The following NCAPD3 variants were observed in gnomAD, a reference collection of about 807,000 sequenced individuals.
NCAPD3 encodes condensin-2 complex subunit D3.
A neutral mutation model predicts 182.9 loss-of-function variants in NCAPD3; 105 were observed. That is an observed-to-expected ratio of 0.57 (90% CI 0.49 to 0.68). The LOEUF is 0.68. Among genes scored for constraint, NCAPD3 ranks in the 30% least tolerant of loss-of-function variants. NCAPD3 has a pLI of 0.00. For synonymous variants in NCAPD3, 815 were observed against 679.9 expected, an observed-to-expected ratio of 1.20 and a Z score of -3.09; for missense variants, 1,944 against 1,837.0, an observed-to-expected ratio of 1.06 and a Z score of -1.07.
In NCAPD3 at chr11:134,157,941, T is replaced by G; in HGVS notation, c.4161A>C (p.Lys1387Asn). 1 of 1,614,032 alleles carries G rather than the reference T, an allele frequency of 6.2e-7. No homozygotes were observed. Among genetic ancestry groups the G allele is most frequent in the South Asian group, 1.1e-5 (1 of 91,064 alleles). Residue 1387 changes from lysine (K) to asparagine (N), a missense_variant, in exon 31 of 35, where the codon AAA becomes AAC. By Grantham distance (94) the Lys-to-Asn change is moderately conservative (BLOSUM62 0). Coordinates refer to ENST00000534548, the MANE Select transcript of NCAPD3 (RefSeq NM_015261.3). Reference sequence around the variant, plus strand: ...CATAAGGCTTACCCTGACTGCACGTTTTTTCTGGGCTTCCAGAATTTAAAG... The same window carrying G: ...CATAAGGCTTACCCTGACTGCACGTGTTTTCTGGGCTTCCAGAATTTAAAG... ...PFTLNSGSPEKTCSQVSSYSL... is the reference protein window; with the variant it reads ...PFTLNSGSPENTCSQVSSYSL...
intron 28 of NCAPD3, among the ~76,000 whole-genome samples, chr11:134,161,191 A>T (rs932050852): frequency 6.6e-6 from 1 of 152,168 alleles, no homozygotes; most frequent in Non-Finnish European, 1.5e-5. Flanking sequence ...AATTAAAGAA[A>T]AACTATGTTG....
intron 24 of NCAPD3, among the ~76,000 whole-genome samples, chr11:134,174,905 A>G (rs1426821295): frequency 6.6e-6 from 1 of 152,208 alleles, no homozygotes; most frequent in Non-Finnish European, 1.5e-5. Flanking sequence ...CAGAGAACAG[A>G]CTAACTTAAA....
At chr11:134,189,656 T>C (rs1387487213) in intron 16 of NCAPD3, among the ~76,000 whole-genome samples, 1 of 152,250 alleles carries the variant, frequency 6.6e-6, no homozygotes, top group Admixed American at 6.5e-5. Flanking sequence ...TCTGAAGTTG[T>C]ACATAATCAA....
At chr11:134,220,371 A>G (rs984144849) in intron 2 of NCAPD3, among the ~76,000 whole-genome samples, 1 of 152,076 alleles carries the variant, frequency 6.6e-6, no homozygotes, top group Non-Finnish European at 1.5e-5. Flanking sequence ...TGTCTTAAAA[A>G]AAAAAAATCA....
Position 134,153,592 on chromosome 11 carries a change from G to A in NCAPD3, c.4253-229C>T, listed in dbSNP as rs576087055. 1.7e-4 allele frequency: 95 copies of A among 574,678 alleles called. 1 individual carries two copies. The highest frequency in any genetic ancestry group is 1.5e-3 in the African/African-American group (82 of 53,482). The allele number at this position is 574,678 out of a possible 1,614,324, so 35.6% of individuals were successfully genotyped here. A position where few individuals can be genotyped will look rare whatever the true frequency, so the allele number is the denominator to read the frequency against. ...TCTGACCCGCAGCCCTCAGGCACTC[G>A]GCTGGCCCCTGGGCCTCACTGTTCA... is the stretch of plus-strand genomic sequence containing the variant. On this transcript the variant is annotated intron_variant, in intron 32 of 34. Coordinates refer to ENST00000534548, the MANE Select transcript of NCAPD3 (RefSeq NM_015261.3).
upstream of NCAPD3, chr11:134,224,097 A>T (rs924834113): frequency 1.3e-6 from 1 of 777,884 alleles, no homozygotes; most frequent in South Asian, 1.7e-5. Flanking sequence ...CGTCCGCCGC[A>T]CGCTCAGAGA....
At chr11:134,158,201 G>A in intron 30 of NCAPD3, 128 bp downstream of exon 30, 2 of 1,522,218 alleles carry the variant, frequency 1.3e-6, no homozygotes, top group Non-Finnish European at 1.8e-6. Flanking sequence ...CCAGGGCACA[G>A]TGTGGAGCGG....
At chr11:134,222,385 C>T (rs1330206210) in intron 1 of NCAPD3, among the ~76,000 whole-genome samples, 2 of 152,172 alleles carry the variant, frequency 1.3e-5, no homozygotes, top group Non-Finnish European at 2.9e-5. Context: ...AAGATCTCAA[C>T]ATTTCACACT....
At position 134,206,624 on chromosome 11, in the gene NCAPD3, T is replaced by C; in HGVS notation, c.991A>G (p.Arg331Gly). The C allele has an allele frequency of 1.2e-6, 2 of 1,613,372 alleles. No individual in the cohort carries two copies. The highest frequency in any genetic ancestry group is 1.3e-5 in the African/African-American group (1 of 75,000). The part of the protein sequence containing the change: ...LAVTSQVINC[R>G]NQAVQFISAL... ...CTGATAAACTGGACCGCCTGGTTTCTACAGTTGATGACTTGGGAGGTAACA... is the reference window on the plus strand; with the variant it reads ...CTGATAAACTGGACCGCCTGGTTTCCACAGTTGATGACTTGGGAGGTAACA... Residue 331 changes from arginine to glycine, a missense_variant, in exon 8 of 35, where the codon AGA becomes GGA. Physicochemically the swap from Arg to Gly is moderately radical, Grantham distance 125. This residue lies in a region of NCAPD3 where 1,803 missense variants were observed against 1,674.6 expected (regional missense o/e 1.08). Transcript: ENST00000534548.
chr11:134,208,606 C>T (rs1422604155), intron 7 of NCAPD3, among the ~76,000 whole-genome samples: 1 of 152,236 alleles, frequency 6.6e-6, no homozygotes, highest in Non-Finnish European at 1.5e-5. Context: ...ATTTCATTCA[C>T]AGCAGAACCA....
upstream of NCAPD3, chr11:134,224,126 T>C (rs1938357108): frequency 4.7e-6 from 3 of 644,816 alleles, no homozygotes; most frequent in African/African-American, 3.7e-5. Context: ...GGCCGAAAAG[T>C]GGAAGCCAAA....
intron 26 of NCAPD3, 88 bp downstream of exon 26, chr11:134,168,381 C>T: frequency 6.4e-7 from 1 of 1,571,206 alleles, no homozygotes; most frequent in East Asian, 2.2e-5. Flanking sequence ...GTGCCAGGGT[C>T]TCCCTTACTA....
In NCAPD3 at chr11:134,171,860, G is replaced by T. The variant is rs1944013337; in HGVS notation, c.3102-2806C>A. Among the ~76,000 whole-genome samples, 2 of 152,112 alleles carry T rather than the reference G, an allele frequency of 1.3e-5. 1 individual carries two copies. The highest frequency in any genetic ancestry group is 1.3e-4 in the Admixed American group (2 of 15,274). On this transcript the variant is annotated intron_variant, in intron 24 of 34. Coordinates refer to ENST00000534548, the MANE Select transcript of NCAPD3 (RefSeq NM_015261.3). ...TTCTCTCTCAGCCCTCCCAAGGGGA[G>T]GCTGCTTCATCCCTCAGTCAGAGGA...
chr11:134,175,140 C>T (rs143399832), intron 24 of NCAPD3, among the ~76,000 whole-genome samples: 1 of 152,290 alleles, frequency 6.6e-6, no homozygotes, highest in Middle Eastern at 3.4e-3. Flanking sequence ...ATCCCACATA[C>T]AGTTTACTCA....
rs141505336 is a variant in NCAPD3 at position 134,191,049 on chromosome 11, G to C, written c.2045+1640C>G. Among the ~76,000 whole-genome samples the C allele has an allele frequency of 4.2e-3, 637 of 152,140 alleles. 4 individuals carry two copies. Among genetic ancestry groups the C allele is most frequent in the African/African-American group, 0.015 (610 of 41,500 alleles). On this transcript the variant is annotated intron_variant, in intron 16 of 34. Transcript: ENST00000534548. Reference sequence around the variant, plus strand: ...CATACTTCTGAATTCTTTTGACATGGCTATCTTCCTCTGCTGAAGCCTTCA... The same window carrying C: ...CATACTTCTGAATTCTTTTGACATGCCTATCTTCCTCTGCTGAAGCCTTCA...
intron 27 of NCAPD3, among the ~76,000 whole-genome samples, chr11:134,164,878 CACTT>C (rs1296734777): frequency 1.3e-5 from 2 of 150,592 alleles, no homozygotes; most frequent in African/African-American, 4.9e-5. Context: ...GCTACATACT[CACTT>C]GTGACATGAG....
chr11:134,173,160 C>A (rs1944059479), intron 24 of NCAPD3: 1 of 152,984 alleles, frequency 6.5e-6, no homozygotes, highest in Non-Finnish European at 1.5e-5. Context: ...CCAGATGCAG[C>A]CTGTGGCCAA....
intron 27 of NCAPD3, among the ~76,000 whole-genome samples, chr11:134,163,876 A>G (rs1943671406): frequency 7.5e-6 from 1 of 133,064 alleles, no homozygotes; most frequent in Non-Finnish European, 1.7e-5. Context: ...TGTCTCAAAA[A>G]AAAAAAAAAA....
rs755560970 is a variant in NCAPD3 at position 134,159,876 on chromosome 11, T to C, written c.3867+16A>G. The C allele has an allele frequency of 1.2e-6, 2 of 1,607,930 alleles. No homozygotes were observed. The highest frequency in any genetic ancestry group is 1.7e-6 in the Non-Finnish European group (2 of 1,178,136). On this transcript the variant is annotated intron_variant, in intron 29 of 34. Transcript: ENST00000534548. ...ACTGGACTGTCTGGTCACAGTGCAG[T>C]GGGCCCCACACCTACCTGTGCCACA...
Sources: allele counts gnomAD v4.1 joint callset (sites outside exome capture counted in the v4.1 genomes callset), GRCh38; gene constraint gnomAD v4.1.1; regional missense constraint gnomAD v4.1.1; transcripts MANE v1.5; gene names NCBI Gene and HGNC (gene_info 2026-07-23, HGNC 2026-07-21).